TAFA2: variants seen among roughly 807,000 people sequenced by gnomAD.
TAFA2 encodes the protein TAFA chemokine like family member 2.
In TAFA2, 7 loss-of-function variants were observed where a neutral mutation model predicts 18.8. That is an observed-to-expected ratio of 0.37 (90% CI 0.21 to 0.70). The LOEUF (loss-of-function observed/expected upper bound fraction) is 0.70, where lower values mean the gene tolerates loss of function less well. Among genes scored for constraint, TAFA2 ranks in the 30% least tolerant of loss-of-function variants. The pLI is 0.53. For synonymous variants in TAFA2, 60 were observed against 54.2 expected, an observed-to-expected ratio of 1.11 and a Z score of -0.47; for missense variants, 122 against 158.1, an observed-to-expected ratio of 0.77 and a Z score of 1.23.
chr12:62,201,166 A>C (rs1272805908), intron 1 of TAFA2, among the ~76,000 whole-genome samples: 1 of 152,220 alleles, frequency 6.6e-6, no homozygotes, highest in Non-Finnish European at 1.5e-5. Context: ...TTCTAGATAT[A>C]GGATCATGTT....
chr12:61,925,143 A>AT (rs1392785709), intron 1 of TAFA2, among the ~76,000 whole-genome samples: 3 of 152,108 alleles, frequency 2.0e-5, no homozygotes, highest in Non-Finnish European at 4.4e-5. Context: ...AGTGGGAGAC[A>AT]TTAACACCCC....
intron 2 of TAFA2, among the ~76,000 whole-genome samples, chr12:61,816,234 T>C (rs117963471): frequency 0.035 from 5,287 of 151,374 alleles, 226 homozygotes; most frequent in East Asian, 0.17. Context: ...ATTCATGAGT[T>C]CTCATCATTA....
intron 1 of TAFA2, among the ~76,000 whole-genome samples, chr12:61,934,193 C>T (rs1174221724): frequency 5.3e-5 from 8 of 152,174 alleles, no homozygotes; most frequent in Non-Finnish European, 8.8e-5. Context: ...TGCTGCACAG[C>T]ACAAGACTGT....
rs1169249300 is a variant in TAFA2, at chr12:61,933,610, AG to A, written c.-1-66185del. Reference sequence around the variant, plus strand: ...ACACCTGTAGTCCCAGCTAATGGGAAGCTGAGGCCGACAGGAGACTAAGGAT... The same window carrying A: ...ACACCTGTAGTCCCAGCTAATGGGAACTGAGGCCGACAGGAGACTAAGGAT... On this transcript the variant is annotated intron_variant, in intron 1 of 4. Transcript: ENST00000416284. 2.0e-5 allele frequency among the ~76,000 whole-genome samples: 3 copies of A among 152,142 alleles called. No homozygotes were observed. The East Asian group carries it at 5.8e-4, about 29-fold the overall frequency.
intron 1 of TAFA2, among the ~76,000 whole-genome samples, chr12:62,206,476 T>C (rs549558633): frequency 6.6e-6 from 1 of 152,338 alleles, no homozygotes; most frequent in African/African-American, 2.4e-5. Flanking sequence ...TATTTTACAA[T>C]TGAAATCTAT....
At chr12:61,726,139 T>C (rs1012964001) in intron 4 of TAFA2, among the ~76,000 whole-genome samples, 1 of 151,892 alleles carries the variant, frequency 6.6e-6, no homozygotes. Context: ...GGGACTCTTT[T>C]TTTAATTTGA....
chr12:62,114,292 T>G (rs553227777), intron 1 of TAFA2, among the ~76,000 whole-genome samples: 1 of 152,270 alleles, frequency 6.6e-6, no homozygotes, highest in Admixed American at 6.5e-5. Flanking sequence ...TGCCCCACCC[T>G]GCTTTGGCTC....
At chr12:61,879,289 G>T in intron 1 of TAFA2, 1 of 443,160 alleles carries the variant, frequency 2.3e-6, no homozygotes, top group Non-Finnish European at 4.0e-6. Context: ...CCTGGTTGGG[G>T]CCCACCTGCT....
intron 1 of TAFA2, among the ~76,000 whole-genome samples, chr12:61,981,156 C>A (rs995417304): frequency 1.3e-5 from 2 of 152,078 alleles, no homozygotes; most frequent in African/African-American, 4.8e-5. Context: ...TAACACCGCA[C>A]ATCTACAACC....
At chr12:62,088,461 G>C (rs559641593) in intron 1 of TAFA2, among the ~76,000 whole-genome samples, 24 of 152,040 alleles carry the variant, frequency 1.6e-4, no homozygotes, top group African/African-American at 5.8e-4. Flanking sequence ...TGCTCAGACA[G>C]AGACAAAGAA....
intron 2 of TAFA2, among the ~76,000 whole-genome samples, chr12:61,765,910 T>C (rs1869770044): frequency 6.6e-6 from 1 of 152,056 alleles, no homozygotes; most frequent in African/African-American, 2.4e-5. Context: ...GAGGAGGAGA[T>C]AGCTAACTAG....
intron 2 of TAFA2, among the ~76,000 whole-genome samples, chr12:61,798,768 A>G (rs996730452): frequency 2.0e-5 from 3 of 152,380 alleles, no homozygotes; most frequent in African/African-American, 2.4e-5. Context: ...TCATACTTAC[A>G]TATTACATTG....
chr12:61,988,090 T>C lies in TAFA2; in HGVS notation c.-1-120664A>G, dbSNP rs140405948. 2.2e-3 allele frequency among the ~76,000 whole-genome samples: 337 copies of C among 152,008 alleles called. 3 individuals carry two copies. Among genetic ancestry groups the C allele is most frequent in the African/African-American group, 7.7e-3 (318 of 41,472 alleles). ...CCTGGCAATACCCACATTTTGAGAG[T>C]TATCACAGGAATGCTATCATGGCCC... On this transcript the variant is annotated intron_variant, in intron 1 of 4. Coordinates refer to ENST00000416284, the MANE Select transcript of TAFA2 (RefSeq NM_178539.5).
In TAFA2 at chr12:61,849,757, G is replaced by A. The variant is rs116468075; in HGVS notation, c.106+17563C>T. 4.3e-3 allele frequency among the ~76,000 whole-genome samples: 651 copies of A among 152,164 alleles called. 2 individuals carry two copies. Among genetic ancestry groups the A allele is most frequent in the African/African-American group, 0.014 (600 of 41,514 alleles). On this transcript the variant is annotated intron_variant, in intron 2 of 4. Transcript: ENST00000416284. Reference sequence around the variant, plus strand: ...GAACAAAAATTTAGGTACTTTAGACGGTCTCACCTTTCTTTTTTACACGAT... The same window carrying A: ...GAACAAAAATTTAGGTACTTTAGACAGTCTCACCTTTCTTTTTTACACGAT...
chr12:62,079,564 G>A (rs907252937), intron 1 of TAFA2, among the ~76,000 whole-genome samples: 1 of 151,694 alleles, frequency 6.6e-6, no homozygotes, highest in Admixed American at 6.6e-5. Context: ...CTCGGGAGAC[G>A]GAGGCAGGAG....
intron 1 of TAFA2, among the ~76,000 whole-genome samples, chr12:62,251,057 T>C (rs192413039): frequency 5.3e-5 from 8 of 151,492 alleles, no homozygotes; most frequent in African/African-American, 1.7e-4. Flanking sequence ...TCAGAAAAAT[T>C]GGGCTGATTC....
At chr12:62,104,835 G>A (rs919902830) in intron 1 of TAFA2, 1 of 352,776 alleles carries the variant, frequency 2.8e-6, no homozygotes, top group African/African-American at 2.2e-5. Flanking sequence ...TGATTTTGAG[G>A]CTCAAGTTTG....
chr12:61,864,966 G>A (rs1874291442), intron 2 of TAFA2, among the ~76,000 whole-genome samples: 1 of 152,050 alleles, frequency 6.6e-6, no homozygotes, highest in Non-Finnish European at 1.5e-5. Flanking sequence ...AAAGTGAACT[G>A]GCCTGCCTTG....
intron 2 of TAFA2, among the ~76,000 whole-genome samples, chr12:61,759,216 A>T (rs1869419274): frequency 6.6e-6 from 1 of 152,098 alleles, no homozygotes; most frequent in Non-Finnish European, 1.5e-5. Flanking sequence ...AGGACAAAGT[A>T]ACTGTGGCAT....
Sources: allele counts gnomAD v4.1 joint callset (sites outside exome capture counted in the v4.1 genomes callset), GRCh38; gene constraint gnomAD v4.1.1; transcripts MANE v1.5; gene names NCBI Gene and HGNC (gene_info 2026-07-23, HGNC 2026-07-21).